Variants in ERBB4 observed in about 807,000 individuals in gnomAD.
ERBB4 encodes the protein erb-b2 receptor tyrosine kinase 4.
A neutral mutation model predicts 158.0 loss-of-function variants in ERBB4; 42 were observed. The observed-to-expected ratio is 0.27, with a 90% CI of 0.21 to 0.34. The LOEUF is 0.34. Among genes scored for constraint, ERBB4 ranks in the 10% least tolerant of loss-of-function variants. The pLI, the probability that ERBB4 is intolerant of heterozygous loss-of-function variation, is 1.00. For synonymous variants in ERBB4, 583 were observed against 558.7 expected (o/e 1.04, Z -0.61); for missense variants, 1,333 against 1,624.1 (o/e 0.82, Z 3.08).
chr2:211,901,840 CA>C (rs992182785), intron 3 of ERBB4, among the ~76,000 whole-genome samples: 26 of 151,576 alleles, frequency 1.7e-4, no homozygotes, highest in Admixed American at 7.2e-4. Context: ...TTTGTAGAGT[CA>C]AAAAAAATTT....
At chr2:212,095,052 G>C (rs189066442) in intron 2 of ERBB4, among the ~76,000 whole-genome samples, 131 of 152,130 alleles carry the variant, frequency 8.6e-4, no homozygotes, top group African/African-American at 3.0e-3. Flanking sequence ...TATTCTTGGG[G>C]AAGAGGGACT....
intron 7 of ERBB4, among the ~76,000 whole-genome samples, chr2:211,718,255 T>A (rs768026742): frequency 2.6e-5 from 4 of 151,662 alleles, no homozygotes; most frequent in Non-Finnish European, 2.9e-5. Context: ...GAAGAAAAAA[T>A]AGAGAACAAA....
intron 25 of ERBB4, among the ~76,000 whole-genome samples, chr2:211,416,494 G>GAAAC (rs1158670127): frequency 6.6e-6 from 1 of 152,110 alleles, no homozygotes; most frequent in African/African-American, 2.4e-5. Context: ...TGTAAAAATA[G>GAAAC]AAACAAATTG....
chr2:212,530,997 T>C (rs565042909), intron 1 of ERBB4, among the ~76,000 whole-genome samples: 53 of 152,332 alleles, frequency 3.5e-4, no homozygotes, highest in Admixed American at 6.5e-4. Context: ...AACTGGATCT[T>C]GCATATTCCT....
At position 212,226,796 on chromosome 2, in the gene ERBB4, G is replaced by T. The variant is rs531298166; in HGVS notation, c.83-101893C>A. 6.6e-5 allele frequency among the ~76,000 whole-genome samples: 10 copies of T among 152,212 alleles called. No individual in the cohort carries two copies. In the South Asian group the frequency reaches 1.4e-3, roughly 22 times the overall value. ...AACACTAAAAAGTTAATGCAGGCAA[G>T]TCAAGCTCCTAAATTCATAGAGGTT... On this transcript the variant is annotated intron_variant, in intron 1 of 27. Transcript: ENST00000342788.
chr2:211,490,887 T>C (rs1409146557), intron 20 of ERBB4, among the ~76,000 whole-genome samples: 1 of 152,114 alleles, frequency 6.6e-6, no homozygotes, highest in Non-Finnish European at 1.5e-5. Flanking sequence ...CATATTATTG[T>C]TTGCCTCAGT....
intron 1 of ERBB4, among the ~76,000 whole-genome samples, chr2:212,150,319 C>T (rs1227000490): frequency 6.6e-6 from 1 of 152,130 alleles, no homozygotes; most frequent in Non-Finnish European, 1.5e-5. Flanking sequence ...GGTGTTCTCC[C>T]TGCATCTCTG....
chr2:212,082,415 T>G (rs1384563507), intron 2 of ERBB4, among the ~76,000 whole-genome samples: 1 of 152,048 alleles, frequency 6.6e-6, no homozygotes, highest in Non-Finnish European at 1.5e-5. Flanking sequence ...TAAATGCAGA[T>G]TCTGAGCAAA....
At chr2:211,810,662 C>CTT (rs59305629) in intron 3 of ERBB4, among the ~76,000 whole-genome samples, 4,096 of 101,444 alleles carry the variant, frequency 0.04, 386 homozygotes, top group African/African-American at 0.095. Flanking sequence ...CAGTCTCTGT[C>CTT]TTTTTTTTTT....
Position 211,626,956 on chromosome 2 carries a change from TA to T in ERBB4, c.2080-2913del, listed in dbSNP as rs1296427349. On this transcript the variant is annotated intron_variant, in intron 17 of 27. Coordinates refer to ENST00000342788, the MANE Select transcript of ERBB4 (RefSeq NM_005235.3). ...TAAAAATAAAAATAAATAAAAAAAATAAAAAAAAAAAAGTGTGTGTTTATTT... is the reference window on the plus strand; with the variant it reads ...TAAAAATAAAAATAAATAAAAAAAATAAAAAAAAAAAGTGTGTGTTTATTT... 8.6e-3 allele frequency among the ~76,000 whole-genome samples: 286 copies of T among 33,090 alleles called. 1 individual carries two copies. Among genetic ancestry groups the T allele is most frequent in the African/African-American group, 0.017 (239 of 13,672 alleles). 21.7% of individuals were successfully genotyped at this position (33,090 alleles called of 152,430 possible).
At chr2:211,919,956 A>G (rs1237053241) in intron 3 of ERBB4, among the ~76,000 whole-genome samples, 1 of 151,994 alleles carries the variant, frequency 6.6e-6, no homozygotes, top group Non-Finnish European at 1.5e-5. Context: ...ATCTTTTTGA[A>G]TTGTACAGAA....
intron 3 of ERBB4, among the ~76,000 whole-genome samples, chr2:211,904,240 T>C (rs1213130562): frequency 6.6e-6 from 1 of 152,044 alleles, no homozygotes; most frequent in Non-Finnish European, 1.5e-5. Context: ...GAGCATAATA[T>C]AAACCAGCTC....
At chr2:211,509,553 C>A (rs540104291) in intron 20 of ERBB4, among the ~76,000 whole-genome samples, 34 of 151,906 alleles carry the variant, frequency 2.2e-4, no homozygotes, top group African/African-American at 7.7e-4. Flanking sequence ...AATTTAAAAC[C>A]AAGTCCCCAA....
chr2:211,782,094 G>A (rs938368780), intron 4 of ERBB4, among the ~76,000 whole-genome samples: 2 of 152,092 alleles, frequency 1.3e-5, no homozygotes, highest in African/African-American at 2.4e-5. Flanking sequence ...AGGAAGTAAG[G>A]GGGCCTGGAA....
chr2:211,427,954 A>G (rs1473289405), intron 22 of ERBB4, among the ~76,000 whole-genome samples: 2 of 149,292 alleles, frequency 1.3e-5, no homozygotes, highest in African/African-American at 2.5e-5. Flanking sequence ...AAAAAAAAAA[A>G]CAGAAAAAGG....
intron 1 of ERBB4, among the ~76,000 whole-genome samples, chr2:212,441,169 A>T (rs1286506386): frequency 6.6e-6 from 1 of 152,018 alleles, no homozygotes; most frequent in Non-Finnish European, 1.5e-5. Context: ...GAAGCTGGGG[A>T]TACTGAGTTT....
chr2:212,043,556 A>ACT (rs1264185947), intron 2 of ERBB4, among the ~76,000 whole-genome samples: 2 of 150,732 alleles, frequency 1.3e-5, no homozygotes, highest in African/African-American at 5.0e-5. Context: ...ATAATGTGAC[A>ACT]CTCTCACTTC....
At chr2:211,629,250 T>C (rs1382244554) in intron 17 of ERBB4, among the ~76,000 whole-genome samples, 1 of 151,976 alleles carries the variant, frequency 6.6e-6, no homozygotes, top group Non-Finnish European at 1.5e-5. Context: ...TATACACCAA[T>C]AACAGACAAA....
chr2:212,435,419 G>C lies in ERBB4; in HGVS notation c.82+103030C>G, dbSNP rs974068271. Reference sequence around the variant, plus strand: ...AATAATTCTGGGCAACACTTGTAGAGAGAAGAAGAATTCTACACAATGTGA... The same window carrying C: ...AATAATTCTGGGCAACACTTGTAGACAGAAGAAGAATTCTACACAATGTGA... On this transcript the variant is annotated intron_variant, in intron 1 of 27. Coordinates refer to ENST00000342788, the MANE Select transcript of ERBB4 (RefSeq NM_005235.3). 4.6e-5 allele frequency among the ~76,000 whole-genome samples: 7 copies of C among 152,078 alleles called. No homozygotes were observed. The East Asian group carries it at 9.7e-4, about 21-fold the overall frequency.
Sources: allele counts gnomAD v4.1 joint callset (sites outside exome capture counted in the v4.1 genomes callset), GRCh38; gene constraint gnomAD v4.1.1; transcripts MANE v1.5; gene names NCBI Gene and HGNC (gene_info 2026-07-23, HGNC 2026-07-21).